Variants in ITPRID1 observed in about 807,000 individuals in gnomAD.
ITPRID1 encodes the protein protein ITPRID1.
ITPRID1 carries 96 observed loss-of-function variants against 95.4 expected under a neutral mutation model. The observed-to-expected ratio is 1.01, with a 90% CI of 0.85 to 1.19. The LOEUF (loss-of-function observed/expected upper bound fraction) is 1.19, where lower values mean the gene tolerates loss of function less well. Ranked by LOEUF, ITPRID1 falls within the 50% of genes most tolerant of loss-of-function variation. The pLI is 0.00. For synonymous variants in ITPRID1, 510 were observed against 453.6 expected (o/e 1.12, Z -1.58); for missense variants, 1,339 against 1,252.9 (o/e 1.07, Z -1.04).
intron 7 of ITPRID1, 126 bp from the exon 8 acceptor site, chr7:31,574,414 C>T (rs1583517414): frequency 1.2e-6 from 1 of 816,094 alleles, no homozygotes; most frequent in Non-Finnish European, 2.0e-6. Context: ...CTAGTGCACG[C>T]ACCGTTTGTC....
Position 31,569,731 on chromosome 7 carries a change from T to C in ITPRID1, c.257-27T>C, listed in dbSNP as rs774898704. 8 of 1,555,976 alleles carry C rather than the reference T, an allele frequency of 5.1e-6. No homozygotes were observed. The African/African-American group carries it at 1.1e-4, about 21-fold the overall frequency. ...TCCGCAAGATAAAACGAAATAAAGT[T>C]CCCCTCTACTTTTTTTGTTGTTGCA... On this transcript the variant is annotated intron_variant, in intron 5 of 14. Transcript: ENST00000615280.
At chr7:31,552,893 G>A in intron 2 of ITPRID1, 109 bp from the exon 3 acceptor site, 1 of 1,118,290 alleles carries the variant, frequency 8.9e-7, no homozygotes, top group Non-Finnish European at 1.3e-6. Flanking sequence ...TGTGAAGCTG[G>A]ATCATTCATC....
At chr7:31,580,558 TCC>T (rs1785363337) in intron 9 of ITPRID1, among the ~76,000 whole-genome samples, 1 of 152,160 alleles carries the variant, frequency 6.6e-6, no homozygotes, top group Admixed American at 6.5e-5. Flanking sequence ...AGAATGTTAG[TCC>T]TTGATTGGTA....
At position 31,643,024 on chromosome 7, in the gene ITPRID1, G is replaced by A. The variant is rs767732650; in HGVS notation, c.1654G>A (p.Glu552Lys). The part of the protein sequence containing the change: ...QLLPMPHAEY[E>K]VTRPTATSKY... ...TCTGCCAATGCCCCATGCTGAGTAT[G>A]AGGTCACCAGACCCACAGCCACTTC... is the stretch of plus-strand genomic sequence containing the variant. The change falls in exon 12 of 15, where the codon GAG becomes AAG. Residue 552 changes from glutamate to lysine, a missense_variant. By Grantham distance (56) the Glu-to-Lys change is moderately conservative. Transcript: ENST00000615280. 3 of 1,614,008 alleles carry A rather than the reference G, an allele frequency of 1.9e-6. No individual in the cohort carries two copies. In the East Asian group the frequency reaches 6.7e-5, roughly 36 times the overall value.
At chr7:31,534,040 A>G (rs1783682944) in intron 1 of ITPRID1, among the ~76,000 whole-genome samples, 1 of 152,162 alleles carries the variant, frequency 6.6e-6, no homozygotes, top group Admixed American at 6.5e-5. Flanking sequence ...AGAAGTGTGA[A>G]CCCTATTGCA....
chr7:31,654,655 T>C lies in ITPRID1; in HGVS notation c.*1826T>C, dbSNP rs2128222404. On this transcript the variant is annotated 3_prime_UTR_variant, in exon 15 of 15. Coordinates refer to ENST00000615280, the MANE Select transcript of ITPRID1 (RefSeq NM_001257967.3). The stretch of plus-strand genomic sequence containing the variant: ...TGTGAGGCTCCCACCCCAGTGGAAA[T>C]GCAGGGAATGGCACACAAAGGCCAG... 6.6e-6 allele frequency among the ~76,000 whole-genome samples: 1 copy of C among 152,136 alleles called. No homozygotes were observed. Among genetic ancestry groups the C allele is most frequent in the Non-Finnish European group, 1.5e-5 (1 of 67,986 alleles).
chr7:31,588,467 C>A (rs1015924936), intron 10 of ITPRID1, among the ~76,000 whole-genome samples: 1 of 151,410 alleles, frequency 6.6e-6, no homozygotes, highest in Non-Finnish European at 1.5e-5. Context: ...TCTGTCTCTA[C>A]TAAAAATACA....
rs767889057 is a variant in ITPRID1, at chr7:31,643,602, C to T, written c.2232C>T (p.Thr744=). 33 of 1,613,880 alleles carry T rather than the reference C, an allele frequency of 2.0e-5. No individual in the cohort carries two copies. The East Asian group carries it at 3.8e-4, about 19-fold the overall frequency. Residue 744 remains threonine (T), a synonymous_variant, in exon 12 of 15, where the codon ACC becomes ACT. Coordinates refer to ENST00000615280, the MANE Select transcript of ITPRID1 (RefSeq NM_001257967.3). The part of the protein sequence containing the change: ...SLECTVCDPV[T]ATETRLGTKA... Reference sequence around the variant, plus strand: ...AATGCACTGTGTGTGATCCTGTTACCGCAACAGAAACAAGACTGGGGACAA... The same window carrying T: ...AATGCACTGTGTGTGATCCTGTTACTGCAACAGAAACAAGACTGGGGACAA...
At chr7:31,628,834 A>T (rs950809964) in intron 10 of ITPRID1, among the ~76,000 whole-genome samples, 1 of 152,150 alleles carries the variant, frequency 6.6e-6, no homozygotes, top group South Asian at 2.1e-4. Flanking sequence ...GCCTTGTAAA[A>T]GCACTATTTC....
intron 10 of ITPRID1, among the ~76,000 whole-genome samples, chr7:31,613,100 G>C (rs1786952820): frequency 6.6e-6 from 1 of 152,052 alleles, no homozygotes; most frequent in Non-Finnish European, 1.5e-5. Flanking sequence ...TCCAGAAATG[G>C]GACTTTTTGT....
Position 31,607,494 on chromosome 7 carries a change from C to T in ITPRID1, c.1228+24303C>T, listed in dbSNP as rs546818141. ...TTATTTCCTTCAGAATTCTGAAGGC[C>T]TTGCTCCATTGTCTTCTTGTGTTGT... On this transcript the variant is annotated intron_variant, in intron 10 of 14. Transcript: ENST00000615280. Among the ~76,000 whole-genome samples, 7 of 152,194 alleles carry T rather than the reference C, an allele frequency of 4.6e-5. No individual in the cohort carries two copies. The East Asian group carries it at 7.7e-4, about 17-fold the overall frequency.
chr7:31,521,099 C>T (rs553093551), intron 1 of ITPRID1, among the ~76,000 whole-genome samples: 14 of 150,960 alleles, frequency 9.3e-5, no homozygotes, highest in African/African-American at 2.7e-4. Flanking sequence ...TTTATTATTT[C>T]TTTTTAGTTT....
At chr7:31,561,703 G>C (rs956464788) in intron 5 of ITPRID1, among the ~76,000 whole-genome samples, 1 of 152,156 alleles carries the variant, frequency 6.6e-6, no homozygotes, top group Non-Finnish European at 1.5e-5. Flanking sequence ...CTCATCTCCA[G>C]GGCGTTGTCT....
chr7:31,587,526 G>A (rs1347951407), intron 10 of ITPRID1, among the ~76,000 whole-genome samples: 4 of 145,320 alleles, frequency 2.8e-5, no homozygotes, highest in African/African-American at 1.0e-4. Flanking sequence ...CATGCTCATG[G>A]GTAGGAAGAA....
chr7:31,538,896 C>T (rs1034675037), intron 1 of ITPRID1, among the ~76,000 whole-genome samples: 7 of 152,184 alleles, frequency 4.6e-5, no homozygotes, highest in Admixed American at 4.6e-4. Flanking sequence ...ATTGGACTTT[C>T]ACCCCGTAAG....
At chr7:31,656,739 A>C (rs1164060957), downstream of ITPRID1, among the ~76,000 whole-genome samples, 2 of 152,186 alleles carry the variant, frequency 1.3e-5, no homozygotes, top group African/African-American at 4.8e-5. Context: ...AGATGACTTC[A>C]TGTGTGATGG....
rs1191766092 is a variant in ITPRID1, at chr7:31,654,962, T to C, written c.*2133T>C. On this transcript the variant is annotated 3_prime_UTR_variant, in exon 15 of 15. Transcript: ENST00000615280. The stretch of plus-strand genomic sequence containing the variant: ...TGGGACCACCACACTATTTTTCCCA[T>C]GGACTTAACATTCTCAGAGCGTGGA... Among the ~76,000 whole-genome samples, 3 of 152,166 alleles carry C rather than the reference T, an allele frequency of 2.0e-5. No homozygotes were observed. Among genetic ancestry groups the C allele is most frequent in the Non-Finnish European group, 4.4e-5 (3 of 68,028 alleles).
At chr7:31,529,787 T>C in intron 1 of ITPRID1, 1 of 1,535,450 alleles carries the variant, frequency 6.5e-7, no homozygotes, top group Non-Finnish European at 8.7e-7. Context: ...TACAGCAAGT[T>C]GCAAGACCAT....
intron 1 of ITPRID1, among the ~76,000 whole-genome samples, chr7:31,531,357 T>G (rs1783590265): frequency 6.6e-6 from 1 of 152,196 alleles, no homozygotes; most frequent in South Asian, 2.1e-4. Flanking sequence ...GTACCTAATT[T>G]TCTGATTATA....
Sources: allele counts gnomAD v4.1 joint callset (sites outside exome capture counted in the v4.1 genomes callset), GRCh38; gene constraint gnomAD v4.1.1; transcripts MANE v1.5; gene names NCBI Gene and HGNC (gene_info 2026-07-23, HGNC 2026-07-21).